The following TPRG1 variants were observed in gnomAD, a reference collection of about 807,000 sequenced individuals.
The protein encoded by TPRG1 is tumor protein p63 regulated 1.
In TPRG1, 29 loss-of-function variants were observed where a neutral mutation model predicts 29.3. The ratio of observed to expected loss-of-function variants is 0.99; its 90% CI spans 0.74 to 1.35. The LOEUF (loss-of-function observed/expected upper bound fraction) is 1.35. Among genes scored for constraint, TPRG1 ranks in the 40% most tolerant of loss-of-function variants. The pLI, the probability that TPRG1 is intolerant of heterozygous loss-of-function variation, is 0.00. For synonymous variants in TPRG1, 130 were observed against 116.8 expected (o/e 1.11, Z -0.73); for missense variants, 327 against 335.0 (o/e 0.98, Z 0.19).
At chr3:189,003,637 A>G (rs1712139794) in intron 2 of TPRG1, among the ~76,000 whole-genome samples, 1 of 152,056 alleles carries the variant, frequency 6.6e-6, no homozygotes, top group Admixed American at 6.6e-5. Context: ...TACTCTCCTG[A>G]TTCATCTTTG....
chr3:189,271,664 A>G (rs1247329779), intron 4 of TPRG1, among the ~76,000 whole-genome samples: 1 of 152,266 alleles, frequency 6.6e-6, no homozygotes, highest in African/African-American at 2.4e-5. Context: ...AGGAACTTCT[A>G]GAACTAGAAA....
intron 1 of TPRG1, among the ~76,000 whole-genome samples, chr3:189,190,808 C>T (rs1374758952): frequency 1.3e-5 from 2 of 152,188 alleles, no homozygotes; most frequent in African/African-American, 4.8e-5. Context: ...ACCAACCACT[C>T]TTCATAATGA....
At chr3:189,298,081 G>A (rs751631171) in intron 4 of TPRG1, among the ~76,000 whole-genome samples, 3 of 152,116 alleles carry the variant, frequency 2.0e-5, no homozygotes, top group Non-Finnish European at 4.4e-5. Flanking sequence ...GCAACACGAA[G>A]ATAAATCAAA....
intron 4 of TPRG1, among the ~76,000 whole-genome samples, chr3:189,065,768 A>G (rs893628524): frequency 2.0e-5 from 3 of 152,110 alleles, no homozygotes; most frequent in Admixed American, 6.6e-5. Context: ...GGATGTCTTT[A>G]ATACTACTCT....
chr3:189,311,708 T>C (rs1225916182), intron 5 of TPRG1, among the ~76,000 whole-genome samples: 2 of 152,152 alleles, frequency 1.3e-5, no homozygotes, highest in African/African-American at 4.8e-5. Flanking sequence ...TCCAAGCTGT[T>C]ATTGACACTA....
chr3:189,030,488 A>G (rs1200737136), intron 4 of TPRG1, among the ~76,000 whole-genome samples: 1 of 152,132 alleles, frequency 6.6e-6, no homozygotes, highest in South Asian at 2.1e-4. Context: ...TCACTTTCCA[A>G]TTCCTCCAAC....
intron 4 of TPRG1, among the ~76,000 whole-genome samples, chr3:189,064,450 A>G (rs1010556834): frequency 6.6e-6 from 1 of 152,190 alleles, no homozygotes; most frequent in Non-Finnish European, 1.5e-5. Context: ...ATTCAAATCA[A>G]TAATCTAAAT....
intron 4 of TPRG1, among the ~76,000 whole-genome samples, chr3:189,296,066 G>GT (rs1484487001): frequency 6.6e-6 from 1 of 152,154 alleles, no homozygotes; most frequent in Non-Finnish European, 1.5e-5. Flanking sequence ...TTCATGATGA[G>GT]TTGGTAAGTC....
intron 4 of TPRG1, among the ~76,000 whole-genome samples, chr3:189,258,020 C>T (rs997963414): frequency 6.6e-6 from 1 of 152,180 alleles, no homozygotes; most frequent in Admixed American, 6.6e-5. Flanking sequence ...CAAACTCATT[C>T]TCAGTCCAGT....
rs946178553 is a variant in TPRG1 at position 189,013,536 on chromosome 3, C to T, written c.-660+8776C>T. 4.9e-4 allele frequency among the ~76,000 whole-genome samples: 74 copies of T among 152,280 alleles called. 1 individual carries two copies. Among genetic ancestry groups the T allele is most frequent in the Non-Finnish European group, 9.3e-4 (63 of 68,020 alleles). On this transcript the variant is annotated intron_variant, in intron 3 of 10. Transcript: ENST00000433971. The stretch of plus-strand genomic sequence containing the variant: ...AGGGTTCTGTAGATATCTATCAGGT[C>T]CACCTGATCCAGAGCTGAGTTCAGG...
rs554986991 is a variant in TPRG1, at chr3:189,285,126, C to T, written c.480-25260C>T. Among the ~76,000 whole-genome samples, 20 of 152,244 alleles carry T rather than the reference C, an allele frequency of 1.3e-4. No individual in the cohort carries two copies. The South Asian group carries it at 2.5e-3, about 19-fold the overall frequency. On this transcript the variant is annotated intron_variant, in intron 4 of 5. Transcript: ENST00000345063. Reference sequence around the variant, plus strand: ...TCAAACAACCCCATCAACAAGTGGGCGAAGGATATGAACAGCCACTTCTCA... The same window carrying T: ...TCAAACAACCCCATCAACAAGTGGGTGAAGGATATGAACAGCCACTTCTCA...
At chr3:189,235,672 TG>T (rs1274219312) in intron 3 of TPRG1, among the ~76,000 whole-genome samples, 1 of 152,152 alleles carries the variant, frequency 6.6e-6, no homozygotes, top group African/African-American at 2.4e-5. Context: ...TTGCAGAGGT[TG>T]GTTTTACCAT....
At chr3:189,134,890 G>A (rs1435161614) in intron 3 of TPRG1, among the ~76,000 whole-genome samples, 1 of 152,170 alleles carries the variant, frequency 6.6e-6, no homozygotes, top group African/African-American at 2.4e-5. Flanking sequence ...GATCAGTAAA[G>A]TACATGACAA....
chr3:189,075,697 C>T (rs1009494874), intron 4 of TPRG1, among the ~76,000 whole-genome samples: 1 of 152,146 alleles, frequency 6.6e-6, no homozygotes, highest in African/African-American at 2.4e-5. Flanking sequence ...TTGGTCAGTT[C>T]CACATCAGAG....
At chr3:189,252,140 T>C (rs1227787059) in intron 4 of TPRG1, among the ~76,000 whole-genome samples, 3 of 152,198 alleles carry the variant, frequency 2.0e-5, no homozygotes, top group Non-Finnish European at 4.4e-5. Flanking sequence ...AAGCACATCT[T>C]GCACCGCCCT....
intron 4 of TPRG1, among the ~76,000 whole-genome samples, chr3:189,299,632 T>TTA (rs1204344458): frequency 6.6e-6 from 1 of 151,550 alleles, no homozygotes; most frequent in African/African-American, 2.4e-5. Flanking sequence ...GTGTATTTTT[T>TTA]TTTTTTTTTT....
chr3:189,162,421 A>T (rs1009670936), intron 5 of TPRG1, among the ~76,000 whole-genome samples: 2 of 152,236 alleles, frequency 1.3e-5, no homozygotes, highest in Non-Finnish European at 2.9e-5. Flanking sequence ...AGGGTGAAGC[A>T]CTGTTGTTAC....
At chr3:189,301,982 G>C (rs1720912150) in intron 4 of TPRG1, among the ~76,000 whole-genome samples, 1 of 152,090 alleles carries the variant, frequency 6.6e-6, no homozygotes, top group African/African-American at 2.4e-5. Context: ...ACTTCACCCT[G>C]CTTGCTCACA....
chr3:189,166,541 A>G (rs1393055365), intron 5 of TPRG1, among the ~76,000 whole-genome samples: 1 of 152,250 alleles, frequency 6.6e-6, no homozygotes, highest in African/African-American at 2.4e-5. Flanking sequence ...CCAGGGAGTT[A>G]GTCAACTAGG....
Sources: gnomAD v4.1 joint callset for allele counts (sites outside exome capture counted in the v4.1 genomes callset) on GRCh38, gnomAD v4.1.1 for gene constraint, MANE v1.5 for transcripts, NCBI Gene and HGNC (gene_info 2026-07-23, HGNC 2026-07-21) for gene names.